Variants in RASSF3 observed in about 807,000 individuals in gnomAD.
The protein encoded by RASSF3 is ras association domain-containing protein 3.
A neutral mutation model predicts 19.9 loss-of-function variants in RASSF3; 19 were observed. The observed-to-expected ratio is 0.96, with a 90% CI of 0.67 to 1.40. RASSF3 has a LOEUF of 1.40. Among genes scored for constraint, RASSF3 ranks in the 40% most tolerant of loss-of-function variants. RASSF3 has a pLI of 0.00. For missense variants in RASSF3, 306 were observed against 289.8 expected, an observed-to-expected ratio of 1.06 and a Z score of -0.41; for synonymous variants, 110 against 104.2, an observed-to-expected ratio of 1.06 and a Z score of -0.34.
intron 1 of RASSF3, among the ~76,000 whole-genome samples, chr12:64,524,520 C>T (rs73315565): frequency 0.031 from 4,696 of 152,144 alleles, 224 homozygotes; most frequent in African/African-American, 0.1. Flanking sequence ...ACAGCTTTGA[C>T]TCTCAGCTGT....
At chr12:64,613,775 G>A (rs950981465) in intron 1 of RASSF3, among the ~76,000 whole-genome samples, 1 of 151,860 alleles carries the variant, frequency 6.6e-6, no homozygotes, top group Non-Finnish European at 1.5e-5. Flanking sequence ...GTGAAACCCT[G>A]TCTCTACAAA....
chr12:64,537,971 T>A (rs978260496), intron 1 of RASSF3, among the ~76,000 whole-genome samples: 3 of 151,754 alleles, frequency 2.0e-5, no homozygotes, highest in African/African-American at 7.3e-5. Flanking sequence ...GGCCTGTGTG[T>A]CGTCTATGTC....
In RASSF3 at chr12:64,551,789, T is replaced by G. The variant is rs546221062; in HGVS notation, c.294+10084T>G. Among the ~76,000 whole-genome samples the G allele has an allele frequency of 5.9e-5, 9 of 152,322 alleles. No homozygotes were observed. The South Asian group carries it at 1.9e-3, about 32-fold the overall frequency. The stretch of plus-strand genomic sequence containing the variant: ...GGCATAGACACATGGTTTGTAAGCG[T>G]GTTTGTGGTTAACAGCAGTCTTCAG... On this transcript the variant is annotated intron_variant, in intron 2 of 5. Transcript: ENST00000637125.
At chr12:64,634,048 G>A (rs1478387981) in intron 1 of RASSF3, among the ~76,000 whole-genome samples, 3 of 152,098 alleles carry the variant, frequency 2.0e-5, no homozygotes, top group Admixed American at 6.5e-5. Context: ...GTGGGAAGAT[G>A]GCTTGAGCCT....
intron 1 of RASSF3, among the ~76,000 whole-genome samples, chr12:64,654,502 C>T (rs987598474): frequency 4.6e-5 from 7 of 151,848 alleles, no homozygotes; most frequent in Admixed American, 6.6e-5. Flanking sequence ...CTCTGTATTC[C>T]ACTTAGAACT....
rs538744707 is a variant in RASSF3 at position 64,514,464 on chromosome 12, C to T, written c.169+7135C>T. Among the ~76,000 whole-genome samples, 5 of 152,068 alleles carry T rather than the reference C, an allele frequency of 3.3e-5. No individual in the cohort carries two copies. The East Asian group carries it at 9.6e-4, about 29-fold the overall frequency. The stretch of plus-strand genomic sequence containing the variant: ...CTTCCCAAAGTGCTGAGATTACAGG[C>T]GTGAGCCACCGTGCCCGGCCAGAAT... On this transcript the variant is annotated intron_variant, in intron 1 of 5. Coordinates refer to the RASSF3 transcript ENST00000637125.
At chr12:64,595,336 G>A (rs760347331) in intron 2 of RASSF3, among the ~76,000 whole-genome samples, 2 of 151,956 alleles carry the variant, frequency 1.3e-5, no homozygotes, top group Non-Finnish European at 2.9e-5. Flanking sequence ...CCAAAGTGCT[G>A]GGATTACAGG....
chr12:64,528,745 G>T (rs1042030691), upstream of RASSF3, among the ~76,000 whole-genome samples: 7 of 152,206 alleles, frequency 4.6e-5, no homozygotes, highest in African/African-American at 1.7e-4. Flanking sequence ...ACGGTGCACA[G>T]GGCAGGTGAC....
chr12:64,581,708 T>C (rs1376667623), intron 2 of RASSF3, among the ~76,000 whole-genome samples: 1 of 152,110 alleles, frequency 6.6e-6, no homozygotes, highest in African/African-American at 2.4e-5. Context: ...AGGGGTTACA[T>C]ATAATGAAGA....
At chr12:64,558,354 A>G (rs549790807) in intron 2 of RASSF3, among the ~76,000 whole-genome samples, 103 of 152,230 alleles carry the variant, frequency 6.8e-4, no homozygotes, top group Non-Finnish European at 1.2e-3. Context: ...GTTGATCGGT[A>G]CCTTTTCCAT....
intron 1 of RASSF3, among the ~76,000 whole-genome samples, chr12:64,659,728 T>A (rs1444119084): frequency 6.6e-6 from 1 of 151,882 alleles, no homozygotes; most frequent in Non-Finnish European, 1.5e-5. Context: ...TGGGCAGATC[T>A]CTTGAGATCA....
chr12:64,512,701 G>A (rs191198436), intron 1 of RASSF3, among the ~76,000 whole-genome samples: 4 of 152,220 alleles, frequency 2.6e-5, no homozygotes, highest in African/African-American at 9.6e-5. Context: ...ACAAGCAAAG[G>A]ATGGAGAGGG....
At chr12:64,688,920 G>A (rs751887140) in intron 3 of RASSF3, among the ~76,000 whole-genome samples, 7 of 152,168 alleles carry the variant, frequency 4.6e-5, no homozygotes, top group Non-Finnish European at 7.3e-5. Context: ...ACATTTCAGC[G>A]TACTGATGGA....
At chr12:64,527,236 A>C (rs899417250) in intron 1 of RASSF3, among the ~76,000 whole-genome samples, 10 of 152,204 alleles carry the variant, frequency 6.6e-5, no homozygotes, top group African/African-American at 2.4e-4. Context: ...AGAGAACCGG[A>C]CTAAGAACAG....
At chr12:64,610,908 C>A (rs1043954723) in intron 1 of RASSF3, among the ~76,000 whole-genome samples, 165 bp downstream of exon 1, 2 of 152,082 alleles carry the variant, frequency 1.3e-5, no homozygotes, top group South Asian at 4.1e-4. Flanking sequence ...GTCCCGGGAA[C>A]GTGCCTGGAG....
At chr12:64,605,618 G>T (rs1260899743), upstream of RASSF3, among the ~76,000 whole-genome samples, 1 of 152,050 alleles carries the variant, frequency 6.6e-6, no homozygotes, top group Non-Finnish European at 1.5e-5. Flanking sequence ...GGCCGGGCGT[G>T]GTGGCTCACG....
At chr12:64,554,654 C>T (rs1869227354) in intron 2 of RASSF3, among the ~76,000 whole-genome samples, 1 of 152,150 alleles carries the variant, frequency 6.6e-6, no homozygotes, top group Non-Finnish European at 1.5e-5. Context: ...ACTGAGAGTA[C>T]AGACAATTCT....
chr12:64,632,805 A>G (rs551152122), intron 1 of RASSF3, among the ~76,000 whole-genome samples: 1 of 152,176 alleles, frequency 6.6e-6, no homozygotes, highest in African/African-American at 2.4e-5. Flanking sequence ...GAAGCATGAG[A>G]TCATCATCCT....
In RASSF3 at chr12:64,691,389, C is replaced by A. The variant is rs951245114; in HGVS notation, c.458-81C>A. 7 of 928,136 alleles carry A rather than the reference C, an allele frequency of 7.5e-6. No individual in the cohort carries two copies. In the African/African-American group the frequency reaches 8.1e-5, roughly 11 times the overall value. The allele number at this position is 928,136 out of a possible 1,614,324, so 57.5% of individuals were successfully genotyped here. ...GGGTAACTTGGATGGTTACCTTGAT[C>A]TGGAGGAGGGGATCACAATGGGGAA... On this transcript the variant is annotated intron_variant, in intron 3 of 4. Transcript: ENST00000542104.
Sources: gnomAD v4.1 joint callset for allele counts (sites outside exome capture counted in the v4.1 genomes callset) on GRCh38, gnomAD v4.1.1 for gene constraint, MANE v1.5 for transcripts, NCBI Gene and HGNC (gene_info 2026-07-23, HGNC 2026-07-21) for gene names.